AFAP1L2: variants seen among roughly 807,000 people sequenced by gnomAD.
The protein encoded by AFAP1L2 is actin filament-associated protein 1-like 2.
A neutral mutation model predicts 99.3 loss-of-function variants in AFAP1L2; 46 were observed. That is an observed-to-expected ratio of 0.46 (90% CI 0.37 to 0.59). The LOEUF is 0.59. Ranked by LOEUF, AFAP1L2 falls within the 20% of genes least tolerant of loss-of-function variation. The pLI, the probability that AFAP1L2 is intolerant of heterozygous loss-of-function variation, is 0.00. For synonymous variants in AFAP1L2, 397 were observed against 419.1 expected, an observed-to-expected ratio of 0.95 and a Z score of 0.64; for missense variants, 959 against 1,034.9, an observed-to-expected ratio of 0.93 and a Z score of 1.01.
intron 1 of AFAP1L2, among the ~76,000 whole-genome samples, chr10:114,382,588 C>CTTCTTTTTTTTTT (rs747277134): frequency 3.2e-5 from 3 of 93,292 alleles, no homozygotes; most frequent in African/African-American, 8.1e-5. Flanking sequence ...TATTTCTTCT[C>CTTCTTTTTTTTTT]TTTTTTTTTT....
At chr10:114,287,867 ATATTTGTTTAGTTTTTACCTAATGTCT>A in the AFAP1L2 span, among the ~76,000 whole-genome samples, 2 of 152,054 alleles carry the variant, frequency 1.3e-5, no homozygotes, top group African/African-American at 4.8e-5. Context: ...ATGCTTATTT[ATATTTGTTTAGTTTTTACCTAATGTCT>A]TTTTTGTGTT....
rs556807106 is a variant in AFAP1L2, at chr10:114,326,331, T to A, written c.316-3070A>T. Reference sequence around the variant, plus strand: ...TGTTTAAAGGCATTTTACTCCTCACTAGCTGCCTCATCCATTGTCTTCAGG... The same window carrying A: ...TGTTTAAAGGCATTTTACTCCTCACAAGCTGCCTCATCCATTGTCTTCAGG... On this transcript the variant is annotated intron_variant, in intron 4 of 18. Transcript: ENST00000304129. Among the ~76,000 whole-genome samples the A allele has an allele frequency of 9.8e-5, 15 of 152,356 alleles. No individual in the cohort carries two copies. The South Asian group carries it at 3.1e-3, about 32-fold the overall frequency.
intron 4 of AFAP1L2, among the ~76,000 whole-genome samples, chr10:114,324,086 T>A (rs2045824359): frequency 6.6e-6 from 1 of 152,246 alleles, no homozygotes; most frequent in Non-Finnish European, 1.5e-5. Context: ...TGTTCCTCCC[T>A]TATTCCACCT....
At chr10:114,330,267 C>T (rs1722134734) in intron 4 of AFAP1L2, among the ~76,000 whole-genome samples, 2 of 152,218 alleles carry the variant, frequency 1.3e-5, no homozygotes, top group East Asian at 1.9e-4. Flanking sequence ...ACCCCCTCCA[C>T]GGAAACATGA....
At position 114,302,341 on chromosome 10, in the gene AFAP1L2, G is replaced by C. The variant is rs748267041; in HGVS notation, c.1428C>G (p.Leu476=). ...SCIVSAAKNS[L]LLMQRKFSEP... ...GAGGAAGGGTCCAAATTACTCACAA[G>C]AGAGAGTTTTTGGCCGCACTCACAA... The change falls in exon 12 of 19, where the codon CTC becomes CTG. Residue 476 remains leucine, a splice_region_variant and synonymous_variant. Coordinates refer to ENST00000304129, the MANE Select transcript of AFAP1L2 (RefSeq NM_001001936.3). The C allele has an allele frequency of 6.2e-7, 1 of 1,614,134 alleles. No homozygotes were observed. Among genetic ancestry groups the C allele is most frequent in the East Asian group, 2.2e-5 (1 of 44,880 alleles).
At chr10:114,308,039 T>G in intron 9 of AFAP1L2, 130 bp from the exon 10 acceptor site, 1 of 724,916 alleles carries the variant, frequency 1.4e-6, no homozygotes, top group Middle Eastern at 2.9e-4. Flanking sequence ...TGCGCGCACA[T>G]ATGCACGCAT....
chr10:114,346,597 C>G (rs11196708), intron 1 of AFAP1L2, among the ~76,000 whole-genome samples: 2 of 152,288 alleles, frequency 1.3e-5, no homozygotes, highest in East Asian at 3.9e-4. Context: ...CCCTGAGGCC[C>G]TGGAACTCGC....
At chr10:114,312,253 G>A (rs1377105946) in intron 7 of AFAP1L2, among the ~76,000 whole-genome samples, 2 of 132,876 alleles carry the variant, frequency 1.5e-5, no homozygotes, top group Admixed American at 1.4e-4. Flanking sequence ...GTGTGTGTGT[G>A]TGTGTGTGTG....
chr10:114,324,889 G>T (rs1334244268), intron 4 of AFAP1L2, among the ~76,000 whole-genome samples: 1 of 152,220 alleles, frequency 6.6e-6, no homozygotes, highest in African/African-American at 2.4e-5. Flanking sequence ...GGGGGACCCA[G>T]GATGGAGGTA....
intron 1 of AFAP1L2, among the ~76,000 whole-genome samples, chr10:114,351,578 G>A (rs946471802): frequency 1.1e-4 from 16 of 152,176 alleles, no homozygotes; most frequent in Non-Finnish European, 2.4e-4. Context: ...CAACCGGGGG[G>A]AGGCACGCGA....
chr10:114,304,602 A>G, intron 11 of AFAP1L2, 117 bp downstream of exon 11: 9 of 1,077,126 alleles, frequency 8.4e-6, no homozygotes, highest in Non-Finnish European at 1.2e-5. Flanking sequence ...CGAAGTAAAA[A>G]TAACACGCGG....
upstream of AFAP1L2, chr10:114,404,651 G>T: frequency 1.4e-6 from 1 of 713,630 alleles, no homozygotes; most frequent in Non-Finnish European, 1.9e-6. Flanking sequence ...CTGTCCCAGC[G>T]CCCCTGTCCC....
At chr10:114,319,695 T>C (rs1379946777) in intron 5 of AFAP1L2, 5 of 1,249,276 alleles carry the variant, frequency 4.0e-6, no homozygotes, top group Non-Finnish European at 5.2e-6. Context: ...AGAGACAGAA[T>C]GAAGAGAGGA....
intron 1 of AFAP1L2, among the ~76,000 whole-genome samples, chr10:114,387,291 A>G (rs985530147): frequency 2.0e-5 from 3 of 152,204 alleles, no homozygotes; most frequent in African/African-American, 7.2e-5. Context: ...CATTGTGAGG[A>G]AAGTGGTGAT....
chr10:114,309,415 C>T (rs2042879151), intron 8 of AFAP1L2, among the ~76,000 whole-genome samples: 1 of 152,196 alleles, frequency 6.6e-6, no homozygotes, highest in African/African-American at 2.4e-5. Context: ...TCTGCTCGAG[C>T]CCTCTGTGTG....
intron 8 of AFAP1L2, 148 bp downstream of exon 8, chr10:114,310,206 C>T (rs773968169): frequency 2.3e-5 from 18 of 782,962 alleles, no homozygotes; most frequent in African/African-American, 1.1e-4. Context: ...GGCTTACAGG[C>T]GTGAGCCCAC....
chr10:114,404,505 C>G (rs1279974642), upstream of AFAP1L2: 4 of 1,521,452 alleles, frequency 2.6e-6, no homozygotes, highest in African/African-American at 4.3e-5. Context: ...GCTGCTCTCC[C>G]GGCGCTCGGC....
intron 4 of AFAP1L2, among the ~76,000 whole-genome samples, chr10:114,330,743 A>ACATT (rs1343254043): frequency 6.6e-6 from 1 of 152,216 alleles, no homozygotes; most frequent in Non-Finnish European, 1.5e-5. Flanking sequence ...ACATTAATGG[A>ACATT]TATTTAGGTA....
chr10:114,285,992 T>C, the AFAP1L2 span: 5 of 1,613,564 alleles, frequency 3.1e-6, no homozygotes, highest in Non-Finnish European at 4.2e-6. Context: ...GCTGGACAGC[T>C]CTGCGGGCAC....
Sources: gnomAD v4.1 joint callset for allele counts (sites outside exome capture counted in the v4.1 genomes callset) on GRCh38, gnomAD v4.1.1 for gene constraint, MANE v1.5 for transcripts, NCBI Gene and HGNC (gene_info 2026-07-23, HGNC 2026-07-21) for gene names.